Variants in PLCB2 observed in about 807,000 individuals in gnomAD.
The protein encoded by PLCB2 is 1-phosphatidylinositol 4,5-bisphosphate phosphodiesterase beta-2.
A neutral mutation model predicts 141.7 loss-of-function variants in PLCB2; 115 were observed. The ratio of observed to expected loss-of-function variants is 0.81; its 90% CI spans 0.70 to 0.95. The LOEUF (loss-of-function observed/expected upper bound fraction) is 0.95. PLCB2 is among the 40% of genes least tolerant of loss of function. The probability of loss-of-function intolerance (pLI) is 0.00; values close to 1 mark genes in which losing one functional copy is unlikely to be tolerated. For synonymous variants in PLCB2, 603 were observed against 595.6 expected, an observed-to-expected ratio of 1.01 and a Z score of -0.18; for missense variants, 1,403 against 1,541.1, an observed-to-expected ratio of 0.91 and a Z score of 1.50.
At position 40,292,061 on chromosome 15, in the gene PLCB2, G is replaced by A. The variant is rs1222074269; in HGVS notation, c.2526+3C>T. 20 of 1,613,314 alleles carry A rather than the reference G, an allele frequency of 1.2e-5. No individual in the cohort carries two copies. The highest frequency in any genetic ancestry group is 1.7e-5 in the Admixed American group (1 of 60,018). ...CCCTGGCAGCAGTGCAGGCAACACA[G>A]ACCTCAGGCAGACCTCCCATGGCCT... On this transcript the variant is annotated splice_donor_region_variant and intron_variant, in intron 23 of 31. Coordinates refer to ENST00000260402, the MANE Select transcript of PLCB2 (RefSeq NM_004573.3).
rs375478241 is a variant in PLCB2, at chr15:40,296,642, A to G, written c.1487-8T>C. On this transcript the variant is annotated splice_polypyrimidine_tract_variant and splice_region_variant and intron_variant, in intron 14 of 31. Transcript: ENST00000260402. ...CTTCCTCGCCAGCCCACACTGCCAC[A>G]TACAGCTCTGTCGGCACTGGCTCCT... 2.6e-4 allele frequency: 417 copies of G among 1,612,936 alleles called. 1 individual carries two copies. The African/African-American group carries it at 5.0e-3, about 19-fold the overall frequency.
At chr15:40,296,681 A>C (rs1160111986) in intron 14 of PLCB2, 47 bp from the exon 15 acceptor site, 1 of 1,610,908 alleles carries the variant, frequency 6.2e-7, no homozygotes, top group African/African-American at 1.3e-5. Context: ...TGGCTCCTCC[A>C]GGTCCAGCCC....
chr15:40,288,164 C>G lies in PLCB2; in HGVS notation c.*551G>C, dbSNP rs1166183505. 1.8e-5 allele frequency: 18 copies of G among 985,672 alleles called. No homozygotes were observed. Among genetic ancestry groups the G allele is most frequent in the Non-Finnish European group, 2.2e-5 (18 of 830,092 alleles). The allele number at this position is 985,672 out of a possible 1,614,324, so 61.1% of individuals were successfully genotyped here. A position where few individuals can be genotyped will look rare whatever the true frequency, so the allele number is the denominator to read the frequency against. ...TTCCATTTCAGCCTCCCGTTCCGGACAGGCAGAGGGGAGGGGAGGGCCCTC... is the reference window on the plus strand; with the variant it reads ...TTCCATTTCAGCCTCCCGTTCCGGAGAGGCAGAGGGGAGGGGAGGGCCCTC... On this transcript the variant is annotated 3_prime_UTR_variant, in exon 32 of 32. Coordinates refer to ENST00000260402, the MANE Select transcript of PLCB2 (RefSeq NM_004573.3).
chr15:40,303,221 AC>A, intron 3 of PLCB2, 66 bp downstream of exon 3: 1 of 1,162,078 alleles, frequency 8.6e-7, no homozygotes, highest in Non-Finnish European at 1.3e-6. Context: ...CCGCACAGGG[AC>A]CCCTGCCCTT....
At chr15:40,299,026 C>G (rs955734719) in intron 8 of PLCB2, 62 bp from the exon 9 acceptor site, 2 of 1,586,612 alleles carry the variant, frequency 1.3e-6, no homozygotes. Context: ...TAGACAACCC[C>G]CTTGTCCAGT....
In PLCB2 at chr15:40,291,691, G is replaced by A. The variant is rs149208866; in HGVS notation, c.2603-41C>T. 1.6e-3 allele frequency: 2,520 copies of A among 1,609,592 alleles called. 1 individual carries two copies. The highest frequency in any genetic ancestry group is 4.0e-3 in the Middle Eastern group (24 of 6,052). The stretch of plus-strand genomic sequence containing the variant: ...GCTGGGCTGTCAGGTGCTCTGGGGG[G>A]CCCCTTGGCTCCGTTCGCCTCCTCC... On this transcript the variant is annotated intron_variant, in intron 24 of 31. Transcript: ENST00000260402.
chr15:40,304,219 A>G, intron 1 of PLCB2, 141 bp from the exon 2 acceptor site: 1 of 631,226 alleles, frequency 1.6e-6, no homozygotes, highest in Non-Finnish European at 2.8e-6. Flanking sequence ...TGTTGTCTAG[A>G]GCTAAGCACC....
chr15:40,287,806 C>T, downstream of PLCB2: 1 of 452,882 alleles, frequency 2.2e-6, no homozygotes, highest in Non-Finnish European at 2.9e-6. Flanking sequence ...GGGTTCAGCT[C>T]CCAAGAGATT....
At chr15:40,290,114 A>G (rs1056379054) in intron 29 of PLCB2, 32 bp from the exon 30 acceptor site, 9 of 1,370,598 alleles carry the variant, frequency 6.6e-6, no homozygotes, top group Non-Finnish European at 8.4e-6. Context: ...TAGAAAAGGG[A>G]GAAAACCCCT....
At chr15:40,305,810 C>T (rs2040766140) in intron 1 of PLCB2, among the ~76,000 whole-genome samples, 1 of 152,206 alleles carries the variant, frequency 6.6e-6, no homozygotes, top group South Asian at 2.1e-4. Flanking sequence ...TACCCCTTTC[C>T]CACCTCCCTC....
rs1156960787 is a variant in PLCB2, at chr15:40,289,968, A to AGT, written c.3267+55_3267+56dup. Reference sequence around the variant, plus strand: ...GAGAGAGAGAGAGAGAGAGAGAGAGAGTGTGTGTGTGTGTGTGTGTGTGTG... The same window carrying AGT: ...GAGAGAGAGAGAGAGAGAGAGAGAGAGTGTGTGTGTGTGTGTGTGTGTGTGTG... On this transcript the variant is annotated intron_variant, in intron 30 of 31. Coordinates refer to ENST00000260402, the MANE Select transcript of PLCB2 (RefSeq NM_004573.3). 1.4e-3 allele frequency: 715 copies of AGT among 524,996 alleles called. 13 individuals are homozygous for AGT. The highest frequency in any genetic ancestry group is 2.5e-3 in the African/African-American group (101 of 41,110). The allele number at this position is 524,996 out of a possible 1,614,324, so 32.5% of individuals were successfully genotyped here.
Position 40,291,268 on chromosome 15 carries a change from T to C in PLCB2, c.2867A>G (p.Lys956Arg). 2 of 1,570,196 alleles carry C rather than the reference T, an allele frequency of 1.3e-6. No homozygotes were observed. The highest frequency in any genetic ancestry group is 1.1e-5 in the South Asian group (1 of 87,070). ...AGGGCACCGCCACGAGCCTTACCTC[T>C]TCTTGCGAGAGCCCTTGCCGGGACC... ...KLGPGKGSRK[K>R]RSLPREESAG... is the part of the protein sequence containing the mutation. Residue 956 changes from lysine to arginine, a missense_variant, in exon 26 of 32, where the codon AAG becomes AGG. By Grantham distance (26) the Lys-to-Arg change is conservative. Around this residue, in one of 4 missense-constraint regions of PLCB2, gnomAD observed 290 missense variants for 245.9 expected, o/e 1.18. Transcript: ENST00000260402.
At chr15:40,306,563 C>A (rs576994386) in intron 1 of PLCB2, among the ~76,000 whole-genome samples, 2 of 152,274 alleles carry the variant, frequency 1.3e-5, no homozygotes, top group Non-Finnish European at 1.5e-5. Flanking sequence ...CCATGCTACA[C>A]CAACCCCACA....
chr15:40,289,926 GAAGAGAGAGAGAGAGAGAGA>G, intron 30 of PLCB2, 79 bp downstream of exon 30: 1 of 726,212 alleles, frequency 1.4e-6, no homozygotes, highest in South Asian at 1.4e-5. Flanking sequence ...TCCTACTTGT[GAAGAGAGAGAGAGAGAGAGA>G]GAGAGAGAGA....
Position 40,307,657 on chromosome 15 carries a change from G to C in PLCB2, c.16C>G (p.Pro6Ala). Reference sequence around the variant, plus strand: ...TTCACCTTGGGGGGCAGCAGGACAGGGTTGAGCAGAGACATGGTGCCAAGC... The same window carrying C: ...TTCACCTTGGGGGGCAGCAGGACAGCGTTGAGCAGAGACATGGTGCCAAGC... MSLLN[P>A]VLLPPKVKAY... The change falls in exon 1 of 32, where the codon CCT becomes GCT. Residue 6 changes from proline (P) to alanine (A), a missense_variant. This residue lies in a region of PLCB2 where 975 missense variants were observed against 1,141.1 expected (regional missense o/e 0.85). Coordinates refer to ENST00000260402, the MANE Select transcript of PLCB2 (RefSeq NM_004573.3). 1 of 1,571,714 alleles carries C rather than the reference G, an allele frequency of 6.4e-7. No homozygotes were observed. The highest frequency in any genetic ancestry group is 1.2e-5 in the South Asian group (1 of 85,634).
rs1157283207 is a variant in PLCB2 at position 40,304,058 on chromosome 15, T to G, written c.105A>C (p.Pro35=). The change falls in exon 2 of 32, where the codon CCA becomes CCC. Residue 35 remains proline, a synonymous_variant. Coordinates refer to ENST00000260402, the MANE Select transcript of PLCB2 (RefSeq NM_004573.3). ...CCTTAGGATCCACACGGAGGATAACTGGAGAGGCAACTGTAGTTTCCTGCA... is the reference window on the plus strand; with the variant it reads ...CCTTAGGATCCACACGGAGGATAACGGGAGAGGCAACTGTAGTTTCCTGCA... ...KWDDETTVAS[P]VILRVDPKGY... The G allele has an allele frequency of 3.1e-6, 5 of 1,600,342 alleles. No homozygotes were observed. The highest frequency in any genetic ancestry group is 1.3e-5 in the African/African-American group (1 of 74,810).
At chr15:40,298,168 G>A in intron 11 of PLCB2, 55 bp downstream of exon 11, 1 of 1,511,302 alleles carries the variant, frequency 6.6e-7, no homozygotes, top group Non-Finnish European at 8.9e-7. Context: ...AAAGCTTCTG[G>A]CCCAGAGCCC....
chr15:40,289,184 C>T (rs2039713172), intron 31 of PLCB2, 88 bp downstream of exon 31: 11 of 1,224,522 alleles, frequency 9.0e-6, no homozygotes, highest in African/African-American at 3.0e-5. Flanking sequence ...TTCCCCTACC[C>T]TCTCACTGGC....
intron 3 of PLCB2, 37 bp from the exon 4 acceptor site, chr15:40,302,646 G>A (rs748931702): frequency 1.2e-6 from 2 of 1,609,484 alleles, no homozygotes; most frequent in Non-Finnish European, 8.5e-7. Flanking sequence ...ATGGAGGTGT[G>A]CTCCCTCCCT....
Sources: gnomAD v4.1 joint callset for allele counts (sites outside exome capture counted in the v4.1 genomes callset) on GRCh38, gnomAD v4.1.1 for gene constraint, gnomAD v4.1.1 regional missense constraint, MANE v1.5 for transcripts, NCBI Gene and HGNC (gene_info 2026-07-23, HGNC 2026-07-21) for gene names.